The following PACRG variants were observed in gnomAD, a reference collection of about 807,000 sequenced individuals.
The protein encoded by PACRG is parkin coregulated gene protein.
A neutral mutation model predicts 29.7 loss-of-function variants in PACRG; 29 were observed. That is an observed-to-expected ratio of 0.98 (90% CI 0.73 to 1.33). PACRG has a LOEUF of 1.33. Among genes scored for constraint, PACRG ranks in the 40% most tolerant of loss-of-function variants. The probability of loss-of-function intolerance (pLI) is 0.00; values close to 1 mark genes in which losing one functional copy is unlikely to be tolerated. For missense variants in PACRG, 279 were observed against 316.2 expected (o/e 0.88, Z 0.89); for synonymous variants, 116 against 118.7 (o/e 0.98, Z 0.15).
At chr6:163,127,827 A>C (rs1816579042) in intron 4 of PACRG, among the ~76,000 whole-genome samples, 1 of 152,244 alleles carries the variant, frequency 6.6e-6, no homozygotes, top group Non-Finnish European at 1.5e-5. Flanking sequence ...GTTTAGCCTG[A>C]TGACAGCCTG....
chr6:163,055,984 G>T lies in PACRG; in HGVS notation c.292-6166G>T, dbSNP rs1228858349. On this transcript the variant is annotated intron_variant, in intron 2 of 4. Coordinates refer to ENST00000366888, the MANE Select transcript of PACRG (RefSeq NM_001080379.2). This position sits in a 1 kb window ranked among gnomAD's most constrained non-coding sequence, Gnocchi z 4.0. ...CTTCGCTTAGGAAAATGTTTTCAAGGTTCATTCATGTTGTGTCATGTATCA... is the reference window on the plus strand; with the variant it reads ...CTTCGCTTAGGAAAATGTTTTCAAGTTTCATTCATGTTGTGTCATGTATCA... 6.6e-6 allele frequency among the ~76,000 whole-genome samples: 1 copy of T among 152,168 alleles called. No homozygotes were observed. The highest frequency in any genetic ancestry group is 2.4e-5 in the African/African-American group (1 of 41,424).
intron 4 of PACRG, among the ~76,000 whole-genome samples, chr6:163,156,146 T>C (rs7742985): frequency 0.23 from 34,654 of 152,184 alleles, 4,360 homozygotes; most frequent in African/African-American, 0.35. Context: ...TCTTGGCTCC[T>C]GCAGCCTCTT....
intron 2 of PACRG, among the ~76,000 whole-genome samples, chr6:162,899,347 G>C (rs912145876): frequency 2.6e-5 from 4 of 152,238 alleles, no homozygotes; most frequent in Admixed American, 1.3e-4. Flanking sequence ...GAAACCACGG[G>C]GGGAAAGCAG....
At chr6:162,875,866 C>A (rs1014068084) in intron 2 of PACRG, among the ~76,000 whole-genome samples, 3 of 152,158 alleles carry the variant, frequency 2.0e-5, no homozygotes, top group African/African-American at 7.2e-5. Flanking sequence ...GCTTACTGAC[C>A]ATTCAGTCTT....
In PACRG at chr6:163,004,800, A is replaced by C. The variant is rs115677336; in HGVS notation, c.292-57350A>C. Among the ~76,000 whole-genome samples, 817 of 147,744 alleles carry C rather than the reference A, an allele frequency of 5.5e-3. 10 individuals carry two copies. The highest frequency in any genetic ancestry group is 0.021 in the African/African-American group (789 of 37,862). On this transcript the variant is annotated intron_variant, in intron 2 of 4. Coordinates refer to ENST00000366888, the MANE Select transcript of PACRG (RefSeq NM_001080379.2). ...ATGTATGGGATTTAAACTATTTTCT[A>C]ATGAAAATACTTATTTGTTCGTTCA...
At chr6:163,251,761 C>T (rs1782913676) in intron 4 of PACRG, among the ~76,000 whole-genome samples, 1 of 152,144 alleles carries the variant, frequency 6.6e-6, no homozygotes, top group African/African-American at 2.4e-5. Context: ...CTCAGACTTC[C>T]AGGACATCTG....
At chr6:162,831,538 T>C (rs920745315) in intron 2 of PACRG, among the ~76,000 whole-genome samples, 1 of 152,224 alleles carries the variant, frequency 6.6e-6, no homozygotes, top group Non-Finnish European at 1.5e-5. Flanking sequence ...TGGCAGGATG[T>C]GCAGATTTGT....
At chr6:162,847,670 A>G (rs1007803045) in intron 2 of PACRG, among the ~76,000 whole-genome samples, 9 of 151,848 alleles carry the variant, frequency 5.9e-5, no homozygotes, top group Non-Finnish European at 1.2e-4. Flanking sequence ...AGGTGAACAC[A>G]TGTGTCCTGC....
chr6:162,842,823 C>T (rs1393062474), intron 2 of PACRG, among the ~76,000 whole-genome samples: 15 of 125,026 alleles, frequency 1.2e-4, no homozygotes, highest in African/African-American at 4.6e-4. Context: ...ATTTGCTTGT[C>T]TGTAAAGTAT....
intron 2 of PACRG, among the ~76,000 whole-genome samples, chr6:163,034,161 C>T (rs1157236801): frequency 6.6e-6 from 1 of 151,848 alleles, no homozygotes; most frequent in Non-Finnish European, 1.5e-5. Flanking sequence ...CCCATTGCAG[C>T]AACATTGAAA....
At chr6:162,900,166 T>G (rs959281573) in intron 2 of PACRG, among the ~76,000 whole-genome samples, 1 of 151,956 alleles carries the variant, frequency 6.6e-6, no homozygotes, top group Non-Finnish European at 1.5e-5. Context: ...TGCGCTGGTA[T>G]CCAGGGAGGA....
intron 2 of PACRG, among the ~76,000 whole-genome samples, chr6:163,004,730 A>G (rs375703025): frequency 0.025 from 2,802 of 111,798 alleles, 91 homozygotes; most frequent in African/African-American, 0.078. Flanking sequence ...GTGTGTGTAT[A>G]TATATATACA....
intron 1 of PACRG, among the ~76,000 whole-genome samples, chr6:162,774,440 A>C (rs941069451): frequency 6.6e-6 from 1 of 152,166 alleles, no homozygotes; most frequent in Admixed American, 6.5e-5. Flanking sequence ...AAAATGATAG[A>C]TATGTTTGTA....
chr6:162,890,858 C>T (rs879459077), intron 2 of PACRG, among the ~76,000 whole-genome samples: 3 of 152,164 alleles, frequency 2.0e-5, no homozygotes, highest in Non-Finnish European at 2.9e-5. Context: ...CCCCCTTGAG[C>T]TTCAAGTCTC....
chr6:162,927,897 A>C (rs1797568944), intron 2 of PACRG, among the ~76,000 whole-genome samples: 1 of 152,120 alleles, frequency 6.6e-6, no homozygotes, highest in South Asian at 2.1e-4. Context: ...TATCTTTTTC[A>C]TGTGCTGTTG....
At chr6:162,895,933 A>T (rs2128048689) in intron 2 of PACRG, among the ~76,000 whole-genome samples, 1 of 152,306 alleles carries the variant, frequency 6.6e-6, no homozygotes, top group African/African-American at 2.4e-5. Context: ...AAGATAGCTG[A>T]ATGTTTCAGC....
chr6:162,971,265 T>C (rs1801506410), intron 2 of PACRG, among the ~76,000 whole-genome samples: 1 of 152,186 alleles, frequency 6.6e-6, no homozygotes, highest in Non-Finnish European at 1.5e-5. Flanking sequence ...GAGCCTTGTG[T>C]CATTTTCTCT....
At chr6:163,008,570 T>G (rs1805337121) in intron 2 of PACRG, among the ~76,000 whole-genome samples, 1 of 150,504 alleles carries the variant, frequency 6.6e-6, no homozygotes, top group African/African-American at 2.5e-5. Flanking sequence ...TTGTGTCAAG[T>G]TTTAAGAAAA....
At chr6:163,129,722 A>G (rs941611861) in intron 4 of PACRG, among the ~76,000 whole-genome samples, 1 of 151,280 alleles carries the variant, frequency 6.6e-6, no homozygotes, top group Non-Finnish European at 1.5e-5. Flanking sequence ...CCGACTGTAC[A>G]TCCTTGGCCA....
Sources: gnomAD v4.1 joint callset for allele counts (sites outside exome capture counted in the v4.1 genomes callset) on GRCh38, gnomAD v4.1.1 for gene constraint, Gnocchi (gnomAD v3.1) non-coding constraint, MANE v1.5 for transcripts, NCBI Gene and HGNC (gene_info 2026-07-23, HGNC 2026-07-21) for gene names.